LATS2: variants seen among roughly 807,000 people sequenced by gnomAD.
The protein encoded by LATS2 is serine/threonine-protein kinase LATS2.
Under a neutral mutation model 76.0 loss-of-function variants are expected in LATS2, and 24 were observed. The observed-to-expected ratio is 0.32, with a 90% CI of 0.23 to 0.44. The LOEUF (loss-of-function observed/expected upper bound fraction) is 0.44, where lower values mean the gene tolerates loss of function less well. LATS2 is among the 20% of genes least tolerant of loss of function. The pLI is 1.00. For synonymous variants in LATS2, 692 were observed against 635.4 expected (o/e 1.09, Z -1.34); for missense variants, 1,286 against 1,481.2 (o/e 0.87, Z 2.16).
In LATS2 at chr13:21,061,532, C is replaced by G. The variant is rs1873650334; in HGVS notation, c.-391G>C. On this transcript the variant is annotated 5_prime_UTR_variant, in exon 1 of 8. Transcript: ENST00000382592. Reference sequence around the variant, plus strand: ...TCCCGGGGCGCTCACGCCGCGGTTCCAAAGCGCAGACCCAAGTGGGACATT... The same window carrying G: ...TCCCGGGGCGCTCACGCCGCGGTTCGAAAGCGCAGACCCAAGTGGGACATT... The G allele has an allele frequency of 6.5e-6, 1 of 152,928 alleles. No individual in the cohort carries two copies. The highest frequency in any genetic ancestry group is 2.4e-5 in the African/African-American group (1 of 41,478). The allele number at this position is 152,928 out of a possible 1,614,324, so 9.5% of individuals were successfully genotyped here.
chr13:20,981,593 A>C lies in LATS2; in HGVS notation c.2538T>G (p.Ser846=), dbSNP rs113378104. 565 of 1,614,206 alleles carry C rather than the reference A, an allele frequency of 3.5e-4. 2 individuals carry two copies. The African/African-American group carries it at 6.4e-3, about 18-fold the overall frequency. ...MEPSDLWDDV[S]NCRCGDRLKT... is the part of the protein sequence containing the mutation. ...TCAGCCTGTCCCCACACCGACAGTTAGACACATCATCCCAGAGGTCGCTGG... is the reference window on the plus strand; with the variant it reads ...TCAGCCTGTCCCCACACCGACAGTTCGACACATCATCCCAGAGGTCGCTGG... The change falls in exon 6 of 8, where the codon TCT becomes TCG. Residue 846 remains serine (S), a synonymous_variant. Coordinates refer to ENST00000382592, the MANE Select transcript of LATS2 (RefSeq NM_014572.3).
chr13:20,979,945 AC>A (rs1479896458), intron 6 of LATS2, 148 bp from the exon 7 acceptor site: 6 of 442,430 alleles, frequency 1.4e-5, no homozygotes, highest in Non-Finnish European at 2.4e-5. Context: ...CTATGTAAGT[AC>A]CTGGATACTA....
intron 2 of LATS2, among the ~76,000 whole-genome samples, chr13:21,020,690 C>T (rs1309865281): frequency 6.6e-6 from 1 of 152,198 alleles, no homozygotes; most frequent in Non-Finnish European, 1.5e-5. Flanking sequence ...TGTAGGGACA[C>T]TGTCCAGGGG....
chr13:20,977,070 C>G (rs1298634197), intron 7 of LATS2, among the ~76,000 whole-genome samples: 2 of 152,088 alleles, frequency 1.3e-5, no homozygotes, highest in East Asian at 3.9e-4. Flanking sequence ...AAACTAGACA[C>G]AAAAAGACAG....
intron 2 of LATS2, among the ~76,000 whole-genome samples, chr13:20,994,291 G>C (rs1395423899): frequency 6.6e-6 from 1 of 152,174 alleles, no homozygotes; most frequent in Non-Finnish European, 1.5e-5. Context: ...GCTTGCCCTT[G>C]TTATCTGTCC....
chr13:21,059,542 C>A (rs1873557118), intron 1 of LATS2, among the ~76,000 whole-genome samples: 1 of 152,158 alleles, frequency 6.6e-6, no homozygotes, highest in Admixed American at 6.5e-5. Flanking sequence ...TTGCAGTGAG[C>A]CGAGATCGCG....
chr13:20,991,895 A>G lies in LATS2; in HGVS notation c.343-491T>C, dbSNP rs912168284. On this transcript the variant is annotated intron_variant, in intron 2 of 7. Coordinates refer to ENST00000382592, the MANE Select transcript of LATS2 (RefSeq NM_014572.3). This position sits in a 1 kb window ranked among gnomAD's most constrained non-coding sequence, Gnocchi z 4.9. The stretch of plus-strand genomic sequence containing the variant: ...ATATATTACACGCCTACTGTTTACA[A>G]TGCCCCATGCTGGCTATAGCAGCGG... Among the ~76,000 whole-genome samples, 5 of 152,180 alleles carry G rather than the reference A, an allele frequency of 3.3e-5. No individual in the cohort carries two copies. Among genetic ancestry groups the G allele is most frequent in the Non-Finnish European group, 5.9e-5 (4 of 68,034 alleles).
intron 2 of LATS2, among the ~76,000 whole-genome samples, chr13:21,034,494 G>C (rs1315554483): frequency 6.6e-6 from 1 of 152,184 alleles, no homozygotes; most frequent in Non-Finnish European, 1.5e-5. Context: ...CTCAGACCTG[G>C]AACACCACTG....
At chr13:20,996,828 C>G (rs1253677001) in intron 2 of LATS2, among the ~76,000 whole-genome samples, 1 of 152,204 alleles carries the variant, frequency 6.6e-6, no homozygotes, top group Admixed American at 6.5e-5. Context: ...CTGACGGGCT[C>G]TTACCTGGAG....
intron 5 of LATS2, 66 bp from the exon 6 acceptor site, chr13:20,981,714 A>G: frequency 4.5e-6 from 6 of 1,327,348 alleles, no homozygotes; most frequent in East Asian, 4.8e-5. Context: ...TCACTCTTCA[A>G]TAACTCAACA....
intron 2 of LATS2, among the ~76,000 whole-genome samples, chr13:21,030,386 G>A (rs1012108721): frequency 4.0e-5 from 6 of 151,414 alleles, no homozygotes; most frequent in Non-Finnish European, 7.4e-5. Context: ...TCAGGAGATC[G>A]AGACCATCCT....
At chr13:21,055,793 A>G (rs762417232) in intron 1 of LATS2, among the ~76,000 whole-genome samples, 8 of 152,232 alleles carry the variant, frequency 5.3e-5, no homozygotes, top group Non-Finnish European at 4.4e-5. Flanking sequence ...TATTATTTAA[A>G]TCATATCCCT....
chr13:21,032,297 G>A (rs374368520), intron 2 of LATS2, among the ~76,000 whole-genome samples: 3 of 151,678 alleles, frequency 2.0e-5, no homozygotes, highest in Non-Finnish European at 4.4e-5. Context: ...ACAGAGTCTC[G>A]CTCTGTCACC....
rs374368520 is a variant in LATS2, at chr13:21,032,297, G to C, written c.342+13388C>G. On this transcript the variant is annotated intron_variant, in intron 2 of 7. Transcript: ENST00000382592. Reference sequence around the variant, plus strand: ...ATTTTATTTTTTGAGACAGAGTCTCGCTCTGTCACCCAGGCTGGAGTGCAA... The same window carrying C: ...ATTTTATTTTTTGAGACAGAGTCTCCCTCTGTCACCCAGGCTGGAGTGCAA... 1.8e-3 allele frequency among the ~76,000 whole-genome samples: 272 copies of C among 151,796 alleles called. 1 individual carries two copies. The highest frequency in any genetic ancestry group is 5.8e-3 in the African/African-American group (241 of 41,418).
intron 2 of LATS2, among the ~76,000 whole-genome samples, chr13:20,996,410 G>T (rs1200956845): frequency 7.1e-6 from 1 of 140,432 alleles, no homozygotes; most frequent in East Asian, 2.1e-4. Flanking sequence ...ACAGAGGCTC[G>T]TTCTGTCCCC....
chr13:21,029,683 C>T (rs1417887963), intron 2 of LATS2, among the ~76,000 whole-genome samples: 2 of 151,654 alleles, frequency 1.3e-5, no homozygotes, highest in African/African-American at 2.4e-5. Context: ...CCCAGCTACT[C>T]GGAAAGCTGA....
chr13:20,983,927 C>A (rs1870026245), intron 4 of LATS2, 121 bp from the exon 5 acceptor site: 4 of 752,668 alleles, frequency 5.3e-6, no homozygotes, highest in Non-Finnish European at 6.5e-6. Context: ...GAAAGGAGAA[C>A]AGAGAAGAAT....
In LATS2 at chr13:20,987,944, A is replaced by G. The variant is rs1565944135; in HGVS notation, c.1836T>C (p.Asn612=). 1 of 1,614,190 alleles carries G rather than the reference A, an allele frequency of 6.2e-7. No homozygotes were observed. The highest frequency in any genetic ancestry group is 8.5e-7 in the Non-Finnish European group (1 of 1,180,028). Residue 612 remains asparagine (N), a synonymous_variant, in exon 4 of 8, where the codon AAT becomes AAC. Transcript: ENST00000382592. The part of the protein sequence containing the change: ...FKFFMEQHVE[N]VIKTYQQKVN... The stretch of plus-strand genomic sequence containing the variant: ...CCTTCTGCTGGTAGGTTTTGATGAC[A>G]TTCTCCACGTGCTGCTCCATGAAGA...
chr13:21,048,892 G>A (rs1464887453), intron 1 of LATS2, among the ~76,000 whole-genome samples: 1 of 152,008 alleles, frequency 6.6e-6, no homozygotes, highest in African/African-American at 2.4e-5. Flanking sequence ...CTGAATCTCA[G>A]GCACTGATAG....
Sources: gnomAD v4.1 joint callset for allele counts (sites outside exome capture counted in the v4.1 genomes callset) on GRCh38, gnomAD v4.1.1 for gene constraint, Gnocchi (gnomAD v3.1) non-coding constraint, MANE v1.5 for transcripts, NCBI Gene and HGNC (gene_info 2026-07-23, HGNC 2026-07-21) for gene names.